PSIP1: variants seen among roughly 807,000 people sequenced by gnomAD.
PSIP1 encodes the protein PC4 and SFRS1-interacting protein.
PSIP1 carries 19 observed loss-of-function variants against 74.7 expected under a neutral mutation model. The ratio of observed to expected loss-of-function variants is 0.25; its 90% CI spans 0.18 to 0.37. The LOEUF (loss-of-function observed/expected upper bound fraction) is 0.37, where lower values mean the gene tolerates loss of function less well. PSIP1 is among the 10% of genes least tolerant of loss of function. The pLI, the probability that PSIP1 is intolerant of heterozygous loss-of-function variation, is 1.00. For synonymous variants in PSIP1, 222 were observed against 195.3 expected, an observed-to-expected ratio of 1.14 and a Z score of -1.14; for missense variants, 601 against 614.3, an observed-to-expected ratio of 0.98 and a Z score of 0.23.
In PSIP1 at chr9:15,490,063, G is replaced by T; in HGVS notation, c.211C>A (p.Pro71Thr). The change falls in exon 4 of 16, where the codon CCA becomes ACA. Residue 71 changes from proline to threonine, a missense_variant. By Grantham distance (38) the Pro-to-Thr change is conservative. Transcript: ENST00000380733. ...YSENKEKYGKPNKRKGFNEGL... is the reference protein window; with the variant it reads ...YSENKEKYGKTNKRKGFNEGL... The stretch of plus-strand genomic sequence containing the variant: ...TCATTAAAACCTTTTCTTTTATTTG[G>T]TTTGCCATACTTTTCCTTATTTTCT... The T allele has an allele frequency of 1.2e-6, 2 of 1,602,734 alleles. No individual in the cohort carries two copies. Among genetic ancestry groups the T allele is most frequent in the Non-Finnish European group, 1.7e-6 (2 of 1,174,550 alleles).
chr9:15,466,909 A>C (rs774469487), intron 14 of PSIP1, 50 bp from the exon 15 acceptor site: 9 of 1,373,682 alleles, frequency 6.6e-6, no homozygotes, highest in Non-Finnish European at 1.0e-6. Flanking sequence ...ACAAAACAAT[A>C]ATTGAAGGTG....
chr9:15,470,957 A>T (rs897397984), intron 10 of PSIP1: 7 of 1,121,378 alleles, frequency 6.2e-6, no homozygotes, highest in Non-Finnish European at 6.6e-6. Context: ...AAAAAAAAAA[A>T]ACAGGAATGA....
chr9:15,475,183 T>TGA (rs2036024441), intron 8 of PSIP1, among the ~76,000 whole-genome samples: 1 of 152,226 alleles, frequency 6.6e-6, no homozygotes, highest in Non-Finnish European at 1.5e-5. Flanking sequence ...TATTATATAA[T>TGA]TATCATTGGG....
chr9:15,501,867 A>ATATATATATATATATATATATATATAT (rs1188842040), intron 3 of PSIP1, among the ~76,000 whole-genome samples: 34 of 144,392 alleles, frequency 2.4e-4, no homozygotes, highest in African/African-American at 6.7e-4. Flanking sequence ...ATATATATAT[A>ATATATATATATATATATATATATATAT]AAACGCACAC....
rs767922897 is a variant in PSIP1 at position 15,497,325 on chromosome 9, C to CTTTT, written c.150-7205_150-7202dup. 1.5e-4 allele frequency among the ~76,000 whole-genome samples: 18 copies of CTTTT among 118,588 alleles called. 1 individual carries two copies. The highest frequency in any genetic ancestry group is 5.2e-4 in the African/African-American group (13 of 24,854). The allele number at this position is 118,588 out of a possible 152,430, so 77.8% of individuals were successfully genotyped here. ...CTGAAGACCACACGTTCTATGATTC[C>CTTTT]TTTTTTTTTTTTTTTTGAGACAGAG... is the stretch of plus-strand genomic sequence containing the variant. On this transcript the variant is annotated intron_variant, in intron 3 of 15. Coordinates refer to ENST00000380733, the MANE Select transcript of PSIP1 (RefSeq NM_033222.5).
rs954271553 is a variant in PSIP1 at position 15,510,354 on chromosome 9, A to G, written c.-141-25T>C. The stretch of plus-strand genomic sequence containing the variant: ...GCTAGGGAGAGCACCGAGGGCGGTT[A>G]AAGCGAAGAACCCCGAAGGGAGGGG... On this transcript the variant is annotated intron_variant, in intron 1 of 15. Transcript: ENST00000380733. 2.8e-5 allele frequency: 8 copies of G among 283,276 alleles called. No homozygotes were observed. In the South Asian group the frequency reaches 3.5e-4, roughly 13 times the overall value. The allele number at this position is 283,276 out of a possible 1,614,324, so 17.5% of individuals were successfully genotyped here. A position where few individuals can be genotyped will look rare whatever the true frequency, so the allele number is the denominator to read the frequency against.
At chr9:15,466,466 G>C (rs1285004713) in intron 15 of PSIP1, among the ~76,000 whole-genome samples, 1 of 152,232 alleles carries the variant, frequency 6.6e-6, no homozygotes, top group Non-Finnish European at 1.5e-5. Flanking sequence ...GTGAATGCAA[G>C]TCATTACTAA....
chr9:15,509,418 T>C (rs796349419), intron 2 of PSIP1, among the ~76,000 whole-genome samples: 80 of 152,342 alleles, frequency 5.3e-4, no homozygotes, highest in African/African-American at 1.7e-3. Flanking sequence ...CCTGGGTCCT[T>C]AATCATTTCT....
rs2037800755 is a variant in PSIP1, at chr9:15,510,295, G to T, written c.-107C>A. ...GGGCCCAGCTACCGGGCCCGCGGGC[G>T]GGGGAGGATGCCTCGGGGCGTCCCG... On this transcript the variant is annotated 5_prime_UTR_variant, in exon 2 of 16. Coordinates refer to ENST00000380733, the MANE Select transcript of PSIP1 (RefSeq NM_033222.5). 3 of 861,518 alleles carry T rather than the reference G, an allele frequency of 3.5e-6. No homozygotes were observed. The highest frequency in any genetic ancestry group is 3.4e-6 in the Non-Finnish European group (2 of 590,344). The allele number at this position is 861,518 out of a possible 1,614,324, so 53.4% of individuals were successfully genotyped here. A position where few individuals can be genotyped will look rare whatever the true frequency, so the allele number is the denominator to read the frequency against.
rs935437144 is a variant in PSIP1, at chr9:15,479,636, C to G, written c.508G>C (p.Ala170Pro). 7.4e-6 allele frequency: 12 copies of G among 1,610,824 alleles called. No homozygotes were observed. The highest frequency in any genetic ancestry group is 1.0e-5 in the Non-Finnish European group (12 of 1,178,706). ...EEAGVVTTAT[A>P]SVNLKVSPKR... ...GGACTCACTTTTAGATTAACAGATG[C>G]TGTTGCTGTTGTCACTACTCCTGCC... is the stretch of plus-strand genomic sequence containing the variant. The change falls in exon 7 of 16, where the codon GCA becomes CCA. Residue 170 changes from alanine to proline, a missense_variant. Physicochemically the swap from Ala to Pro is conservative, Grantham distance 27 (BLOSUM62 -1). Coordinates refer to ENST00000380733, the MANE Select transcript of PSIP1 (RefSeq NM_033222.5).
At chr9:15,488,790 G>A (rs1324444034) in intron 4 of PSIP1, among the ~76,000 whole-genome samples, 1 of 152,120 alleles carries the variant, frequency 6.6e-6, no homozygotes, top group Non-Finnish European at 1.5e-5. Context: ...GGGGGGCCGA[G>A]GCGGGCGGAT....
chr9:15,507,529 T>C (rs929215877), intron 2 of PSIP1, among the ~76,000 whole-genome samples: 2 of 151,900 alleles, frequency 1.3e-5, no homozygotes, highest in African/African-American at 2.4e-5. Context: ...GTGCCTGTAA[T>C]CTCAGCCACT....
At chr9:15,483,367 C>T (rs575779185) in intron 6 of PSIP1, among the ~76,000 whole-genome samples, 1 of 151,602 alleles carries the variant, frequency 6.6e-6, no homozygotes, top group African/African-American at 2.4e-5. Flanking sequence ...CCCCCTTTAC[C>T]ATCCACTTCT....
rs73423324 is a variant in PSIP1, at chr9:15,501,393, G to T, written c.149+5168C>A. On this transcript the variant is annotated intron_variant, in intron 3 of 15. Coordinates refer to ENST00000380733, the MANE Select transcript of PSIP1 (RefSeq NM_033222.5). Reference sequence around the variant, plus strand: ...GAGTGTGGGTGAAAAAAAGAGAAAAGGGGAAAAAAAAAAATTCAGTCACTG... The same window carrying T: ...GAGTGTGGGTGAAAAAAAGAGAAAATGGGAAAAAAAAAAATTCAGTCACTG... Among the ~76,000 whole-genome samples the T allele has an allele frequency of 6.9e-3, 1,008 of 145,862 alleles. 11 individuals are homozygous for T. Among genetic ancestry groups the T allele is most frequent in the African/African-American group, 0.025 (953 of 37,720 alleles).
At chr9:15,492,168 C>CA (rs2036860787) in intron 3 of PSIP1, 1 of 152,176 alleles carries the variant, frequency 6.6e-6, no homozygotes, top group African/African-American at 2.4e-5. Flanking sequence ...AGCATTAACT[C>CA]AAAAGTCCAA....
At chr9:15,486,769 T>G in intron 5 of PSIP1, 58 bp downstream of exon 5, 1 of 1,237,928 alleles carries the variant, frequency 8.1e-7, no homozygotes. Flanking sequence ...CCAACTCATT[T>G]CATTATTTCT....
chr9:15,468,697 C>T lies in PSIP1; in HGVS notation c.1353G>A (p.Glu451=). The change falls in exon 14 of 16, where the codon GAG becomes GAA. Residue 451 remains glutamate, a synonymous_variant. Coordinates refer to ENST00000380733, the MANE Select transcript of PSIP1 (RefSeq NM_033222.5). ...NKSLAEQRQH[E]EANKTKDQGK... ...CTTGATCTTTGGTTTTATTCGCTTC[C>T]TCATGCTGTCTTTGTTCAGCAAGAG... 1 of 1,614,096 alleles carries T rather than the reference C, an allele frequency of 6.2e-7. No individual in the cohort carries two copies. Among genetic ancestry groups the T allele is most frequent in the Non-Finnish European group, 8.5e-7 (1 of 1,180,012 alleles).
chr9:15,464,546 T>C lies in PSIP1; in HGVS notation c.*974A>G, dbSNP rs894187025. 9 of 200,080 alleles carry C rather than the reference T, an allele frequency of 4.5e-5. No individual in the cohort carries two copies. The highest frequency in any genetic ancestry group is 9.3e-5 in the Non-Finnish European group (9 of 97,292). 12.4% of individuals were successfully genotyped at this position (200,080 alleles called of 1,614,324 possible). ...AACTAGTGTTTGTATTTTTGGAATC[T>C]AGAAAATAAAAACAATATAGCCATG... On this transcript the variant is annotated 3_prime_UTR_variant, in exon 16 of 16. Coordinates refer to ENST00000380733, the MANE Select transcript of PSIP1 (RefSeq NM_033222.5).
Position 15,465,512 on chromosome 9 carries a change from ATGTC to A in PSIP1, c.*4_*7del. 6.5e-7 allele frequency: 1 copy of A among 1,537,718 alleles called. No individual in the cohort carries two copies. Among genetic ancestry groups the A allele is most frequent in the Non-Finnish European group, 8.9e-7 (1 of 1,119,966 alleles). On this transcript the variant is annotated 3_prime_UTR_variant, in exon 16 of 16. Coordinates refer to ENST00000380733, the MANE Select transcript of PSIP1 (RefSeq NM_033222.5). ...CTCAAGTGTTCTCTATATTCCAGGT[ATGTC>A]AACCTAGTTATCTAGTGTAGAATCC...
Sources: allele counts gnomAD v4.1 joint callset (sites outside exome capture counted in the v4.1 genomes callset), GRCh38; gene constraint gnomAD v4.1.1; transcripts MANE v1.5; gene names NCBI Gene and HGNC (gene_info 2026-07-23, HGNC 2026-07-21).